PPM1L: variants seen among roughly 807,000 people sequenced by gnomAD.
PPM1L encodes the protein protein phosphatase, Mg2+/Mn2+ dependent 1L.
A neutral mutation model predicts 31.4 loss-of-function variants in PPM1L; 13 were observed. The ratio of observed to expected loss-of-function variants is 0.41; its 90% CI spans 0.27 to 0.66. PPM1L has a LOEUF of 0.66. Ranked by LOEUF, PPM1L falls within the 30% of genes least tolerant of loss-of-function variation. The pLI is 0.29. For missense variants in PPM1L, 326 were observed against 453.7 expected (o/e 0.72, Z 2.56); for synonymous variants, 184 against 175.4 (o/e 1.05, Z -0.39).
intron 1 of PPM1L, among the ~76,000 whole-genome samples, chr3:160,915,353 G>C (rs1714131342): frequency 1.3e-5 from 2 of 152,122 alleles, no homozygotes; most frequent in South Asian, 2.1e-4. Context: ...ACTTACAAGG[G>C]ACGTGAAGGA....
intron 2 of PPM1L, among the ~76,000 whole-genome samples, chr3:161,023,162 T>C (rs1718286792): frequency 6.6e-6 from 1 of 151,772 alleles, no homozygotes; most frequent in Non-Finnish European, 1.5e-5. Flanking sequence ...CTCAAGATTC[T>C]CTTTCAGTCT....
At chr3:161,046,259 C>A (rs1337980745) in intron 2 of PPM1L, among the ~76,000 whole-genome samples, 1 of 151,664 alleles carries the variant, frequency 6.6e-6, no homozygotes, top group East Asian at 1.9e-4. Context: ...AAGGGGATAT[C>A]ACCACCGATC....
chr3:160,993,353 T>G (rs1400413306), intron 2 of PPM1L, among the ~76,000 whole-genome samples: 1 of 152,188 alleles, frequency 6.6e-6, no homozygotes, highest in African/African-American at 2.4e-5. Context: ...TCGAGTTTGA[T>G]AAATTATCCT....
chr3:160,945,147 A>G (rs565911147), intron 1 of PPM1L, among the ~76,000 whole-genome samples: 8 of 97,970 alleles, frequency 8.2e-5, no homozygotes, highest in East Asian at 2.5e-4. Context: ...CTATCTATCT[A>G]TCTATCTCCA....
At chr3:160,978,945 T>C (rs975659615) in intron 2 of PPM1L, among the ~76,000 whole-genome samples, 1 of 152,006 alleles carries the variant, frequency 6.6e-6, no homozygotes, top group Admixed American at 6.5e-5. Flanking sequence ...CTGAATACTC[T>C]CTATGTTGGA....
chr3:160,890,217 GACA>G (rs1713087216), intron 1 of PPM1L, among the ~76,000 whole-genome samples: 1 of 152,160 alleles, frequency 6.6e-6, no homozygotes, highest in South Asian at 2.1e-4. Context: ...TCTGTTTGCA[GACA>G]ACATGTTTTT....
At chr3:160,841,085 C>T (rs1713865618) in intron 1 of PPM1L, among the ~76,000 whole-genome samples, 1 of 151,976 alleles carries the variant, frequency 6.6e-6, no homozygotes, top group African/African-American at 2.4e-5. Context: ...AGTGTGGACC[C>T]AAGGCAGAAA....
At chr3:160,978,526 A>G (rs1353366299) in intron 2 of PPM1L, among the ~76,000 whole-genome samples, 1 of 152,180 alleles carries the variant, frequency 6.6e-6, no homozygotes, top group Non-Finnish European at 1.5e-5. Context: ...TTCTTGCATA[A>G]CAACCATCTA....
chr3:160,901,839 T>C (rs1219348490), intron 1 of PPM1L, among the ~76,000 whole-genome samples: 6 of 152,178 alleles, frequency 3.9e-5, no homozygotes, highest in Non-Finnish European at 5.9e-5. Flanking sequence ...TCTTTCCTCA[T>C]AGGGTGTGGA....
At chr3:161,020,331 T>G (rs1225042179) in intron 2 of PPM1L, among the ~76,000 whole-genome samples, 1 of 152,052 alleles carries the variant, frequency 6.6e-6, no homozygotes, top group Non-Finnish European at 1.5e-5. Flanking sequence ...TATAAGTAAT[T>G]GAGAAATAAG....
At chr3:160,849,897 C>T (rs1714210602) in intron 1 of PPM1L, among the ~76,000 whole-genome samples, 2 of 152,180 alleles carry the variant, frequency 1.3e-5, no homozygotes, top group South Asian at 4.1e-4. Flanking sequence ...TCCATACACT[C>T]ACACCCAACA....
intron 2 of PPM1L, among the ~76,000 whole-genome samples, chr3:161,028,618 T>C (rs371763159): frequency 1.3e-5 from 2 of 152,200 alleles, no homozygotes; most frequent in South Asian, 4.2e-4. Flanking sequence ...TGGGCCAGCA[T>C]GGTTGTTGCT....
intron 2 of PPM1L, among the ~76,000 whole-genome samples, chr3:160,984,411 C>T (rs1716899048): frequency 6.6e-6 from 1 of 152,136 alleles, no homozygotes; most frequent in African/African-American, 2.4e-5. Context: ...TCGCTGTTAC[C>T]CTGTTCTTAA....
At chr3:160,997,049 G>C (rs1717347031) in intron 2 of PPM1L, among the ~76,000 whole-genome samples, 1 of 152,156 alleles carries the variant, frequency 6.6e-6, no homozygotes, top group South Asian at 2.1e-4. Flanking sequence ...CAGATATCCT[G>C]TTGGGCTGAA....
intron 1 of PPM1L, among the ~76,000 whole-genome samples, chr3:160,803,240 G>T (rs965460846): frequency 6.6e-6 from 1 of 152,164 alleles, no homozygotes; most frequent in Non-Finnish European, 1.5e-5. Flanking sequence ...TCTTTTCTAT[G>T]TGGTGTCATT....
At chr3:160,939,112 G>C (rs752165342) in intron 1 of PPM1L, among the ~76,000 whole-genome samples, 4 of 151,452 alleles carry the variant, frequency 2.6e-5, no homozygotes, top group Admixed American at 6.5e-5. Context: ...AACATATAGA[G>C]AGTTTTCAAT....
At chr3:160,867,792 G>A (rs561444567) in intron 1 of PPM1L, among the ~76,000 whole-genome samples, 5 of 152,148 alleles carry the variant, frequency 3.3e-5, no homozygotes, top group Admixed American at 2.6e-4. Flanking sequence ...AAACAGCTGT[G>A]CTGGAAAGAG....
chr3:160,980,950 T>C (rs1030170006), intron 2 of PPM1L, among the ~76,000 whole-genome samples: 10 of 152,148 alleles, frequency 6.6e-5, no homozygotes, highest in African/African-American at 2.4e-4. Context: ...TACAGGGGTA[T>C]TTCCCCAATC....
At chr3:160,955,533 G>C (rs1351443299) in intron 1 of PPM1L, among the ~76,000 whole-genome samples, 1 of 151,356 alleles carries the variant, frequency 6.6e-6, no homozygotes, top group Non-Finnish European at 1.5e-5. Flanking sequence ...TGTGTGTTTT[G>C]TTTGCATATT....
Sources: allele counts gnomAD v4.1 joint callset (sites outside exome capture counted in the v4.1 genomes callset), GRCh38; gene constraint gnomAD v4.1.1; transcripts MANE v1.5; gene names NCBI Gene and HGNC (gene_info 2026-07-23, HGNC 2026-07-21).